The following PTPRD variants were observed in gnomAD, a reference collection of about 807,000 sequenced individuals.
The protein encoded by PTPRD is receptor-type tyrosine-protein phosphatase delta.
PTPRD carries 34 observed loss-of-function variants against 214.5 expected under a neutral mutation model. The ratio of observed to expected loss-of-function variants is 0.16; its 90% confidence interval spans 0.12 to 0.21. The LOEUF is 0.21. PTPRD is among the 10% of genes least tolerant of loss of function. PTPRD has a pLI of 1.00. For synonymous variants in PTPRD, 1,128 were observed against 845.7 expected (o/e 1.33, Z -5.79); for missense variants, 2,545 against 2,398.7 (o/e 1.06, Z -1.27).
At chr9:8,514,419 G>C (rs1479280223) in intron 21 of PTPRD, among the ~76,000 whole-genome samples, 1 of 151,956 alleles carries the variant, frequency 6.6e-6, no homozygotes, top group Admixed American at 6.6e-5. Flanking sequence ...ATAAAACTTA[G>C]AGCCAAATTT....
intron 3 of PTPRD, among the ~76,000 whole-genome samples, chr9:10,124,760 C>T (rs1049107696): frequency 2.0e-5 from 3 of 152,192 alleles, no homozygotes; most frequent in Non-Finnish European, 4.4e-5. Context: ...GAGCACTCTG[C>T]TCTTAATGTA....
chr9:10,327,033 T>C (rs117572018), intron 3 of PTPRD, among the ~76,000 whole-genome samples: 1,566 of 151,496 alleles, frequency 0.01, 20 homozygotes, highest in South Asian at 0.037. Flanking sequence ...GTTTAATTTG[T>C]TTGATAAATT....
intron 3 of PTPRD, among the ~76,000 whole-genome samples, chr9:10,258,550 T>C (rs1333974439): frequency 6.6e-6 from 1 of 152,232 alleles, no homozygotes. Context: ...TTAGCAATTC[T>C]TGTAAAAATC....
chr9:9,791,413 C>T (rs115736576), intron 5 of PTPRD, among the ~76,000 whole-genome samples: 2,995 of 152,050 alleles, frequency 0.02, 115 homozygotes, highest in African/African-American at 0.069. Context: ...ATTATAATAA[C>T]GACCTTTAAT....
chr9:8,748,973 C>A (rs188833167), intron 11 of PTPRD, among the ~76,000 whole-genome samples: 4 of 152,018 alleles, frequency 2.6e-5, no homozygotes, highest in South Asian at 4.1e-4. Context: ...CTCCATCACA[C>A]AAATTTAGTG....
chr9:8,654,318 G>C (rs978004220), intron 12 of PTPRD, among the ~76,000 whole-genome samples: 1 of 152,042 alleles, frequency 6.6e-6, no homozygotes, highest in Non-Finnish European at 1.5e-5. Context: ...TAGCTTATAA[G>C]TGTTCATCTT....
chr9:10,230,125 A>G (rs1431914135), intron 3 of PTPRD, among the ~76,000 whole-genome samples: 1 of 151,994 alleles, frequency 6.6e-6, no homozygotes. Context: ...CAGTATATTC[A>G]GCATCAGCTG....
At chr9:9,415,982 C>A (rs2076884068) in intron 8 of PTPRD, among the ~76,000 whole-genome samples, 1 of 152,118 alleles carries the variant, frequency 6.6e-6, no homozygotes, top group South Asian at 2.1e-4. Context: ...AGTTTATTTA[C>A]AGGATAGGAT....
At chr9:10,147,253 A>G (rs1564123801) in intron 3 of PTPRD, among the ~76,000 whole-genome samples, 1 of 145,724 alleles carries the variant, frequency 6.9e-6, no homozygotes, top group Non-Finnish European at 1.5e-5. Flanking sequence ...TGTGAAAAAC[A>G]ACATATAGTT....
intron 8 of PTPRD, among the ~76,000 whole-genome samples, chr9:9,411,763 G>C (rs72702530): frequency 0.068 from 10,400 of 152,240 alleles, 424 homozygotes; most frequent in Middle Eastern, 0.13. Flanking sequence ...ATTAACCAAA[G>C]AATTCACAAC....
chr9:9,670,978 C>T (rs1344676506), intron 7 of PTPRD, among the ~76,000 whole-genome samples: 2 of 152,140 alleles, frequency 1.3e-5, no homozygotes, highest in Non-Finnish European at 2.9e-5. Context: ...AGAAGAGTCT[C>T]TATTCCCTAG....
chr9:8,805,996 G>GA (rs1163893682), intron 11 of PTPRD, among the ~76,000 whole-genome samples: 19,803 of 92,948 alleles, frequency 0.21, 1,889 homozygotes, highest in East Asian at 0.43. Context: ...CTCCGTCTCA[G>GA]AAAAAAAAAA....
intron 3 of PTPRD, among the ~76,000 whole-genome samples, chr9:10,127,253 A>G (rs1290945608): frequency 6.6e-6 from 1 of 152,166 alleles, no homozygotes; most frequent in Non-Finnish European, 1.5e-5. Context: ...ACACAAGACC[A>G]ATGTCCTGAG....
chr9:10,289,294 A>G (rs114641056), intron 3 of PTPRD, among the ~76,000 whole-genome samples: 819 of 152,300 alleles, frequency 5.4e-3, no homozygotes, highest in African/African-American at 0.019. Context: ...TTAAGAAAGC[A>G]AGGCAGCAAC....
rs768342693 is a variant in PTPRD, at chr9:10,467,822, T to A, written c.-599-126805A>T. ...AATTAAAAACAAACCTAATTTATTT[T>A]TGTCATCATTCAAGTAAAAAACATA... On this transcript the variant is annotated intron_variant, in intron 2 of 45. Coordinates refer to ENST00000381196, the MANE Select transcript of PTPRD (RefSeq NM_002839.4). Among the ~76,000 whole-genome samples the A allele has an allele frequency of 3.2e-4, 48 of 152,248 alleles. 1 individual carries two copies. The highest frequency in any genetic ancestry group is 1.5e-3 in the South Asian group (7 of 4,824).
chr9:8,765,451 GC>G (rs1320569084), intron 11 of PTPRD, among the ~76,000 whole-genome samples: 2 of 152,200 alleles, frequency 1.3e-5, no homozygotes, highest in Non-Finnish European at 2.9e-5. Flanking sequence ...CCCGTGGACA[GC>G]CCCACATGGT....
At chr9:9,594,053 T>C (rs1378928756) in intron 7 of PTPRD, among the ~76,000 whole-genome samples, 2 of 152,088 alleles carry the variant, frequency 1.3e-5, no homozygotes, top group African/African-American at 4.8e-5. Flanking sequence ...AGGCAGTGAT[T>C]AAAATTCTAT....
chr9:10,437,496 A>G (rs1250540648), intron 2 of PTPRD, among the ~76,000 whole-genome samples: 1 of 151,796 alleles, frequency 6.6e-6, no homozygotes, highest in Non-Finnish European at 1.5e-5. Flanking sequence ...ATGTGGCTTG[A>G]TATCAGAAGT....
intron 11 of PTPRD, among the ~76,000 whole-genome samples, chr9:8,812,601 T>A (rs182928377): frequency 1.1e-3 from 168 of 152,068 alleles, no homozygotes; most frequent in African/African-American, 3.4e-3. Context: ...TTGATAAGAG[T>A]TCAATAAACT....
Sources: allele counts gnomAD v4.1 joint callset (sites outside exome capture counted in the v4.1 genomes callset), GRCh38; gene constraint gnomAD v4.1.1; transcripts MANE v1.5; gene names NCBI Gene and HGNC (gene_info 2026-07-23, HGNC 2026-07-21).